Variants in EML2 observed in about 807,000 individuals in gnomAD.
The protein encoded by EML2 is echinoderm microtubule-associated protein-like 2.
Under a neutral mutation model 84.7 loss-of-function variants are expected in EML2, and 59 were observed. The ratio of observed to expected loss-of-function variants is 0.70; its 90% CI spans 0.56 to 0.86. The LOEUF is 0.86. EML2 is among the 40% of genes least tolerant of loss of function. EML2 has a pLI of 0.00. For missense variants in EML2, 818 were observed against 855.6 expected, an observed-to-expected ratio of 0.96 and a Z score of 0.55; for synonymous variants, 352 against 348.9, an observed-to-expected ratio of 1.01 and a Z score of -0.10.
upstream of EML2, chr19:45,641,888 G>A (rs574839860): frequency 6.2e-6 from 9 of 1,455,068 alleles, no homozygotes; most frequent in Non-Finnish European, 8.1e-6. Context: ...GGTCTTGGAA[G>A]AGGCTGGGGG....
At chr19:45,620,867 C>G (rs1971603924) in intron 11 of EML2, 1 of 410,190 alleles carries the variant, frequency 2.4e-6, no homozygotes. Flanking sequence ...GCAGGACCTT[C>G]CCCAATCCGT....
intron 17 of EML2, among the ~76,000 whole-genome samples, chr19:45,614,036 C>T (rs1221379430): frequency 6.6e-6 from 1 of 152,216 alleles, no homozygotes; most frequent in Non-Finnish European, 1.5e-5. Context: ...TTTGTATGTA[C>T]TATTCCCTTT....
chr19:45,634,679 A>C (rs983810823), intron 3 of EML2, among the ~76,000 whole-genome samples: 1 of 151,768 alleles, frequency 6.6e-6, no homozygotes, highest in African/African-American at 2.4e-5. Flanking sequence ...CTCCTGCCTC[A>C]GCCTCCTGAG....
At chr19:45,645,363 C>CTA (rs1315915006), upstream of EML2, 6 of 1,520,246 alleles carry the variant, frequency 3.9e-6, no homozygotes, top group Non-Finnish European at 2.6e-6. Flanking sequence ...CCACCGCCGG[C>CTA]CCCCCCGGTC....
chr19:45,617,463 C>G (rs1182551294), intron 13 of EML2, among the ~76,000 whole-genome samples, 167 bp downstream of exon 13: 1 of 152,142 alleles, frequency 6.6e-6, no homozygotes, highest in Non-Finnish European at 1.5e-5. Flanking sequence ...GAGGCTGAGG[C>G]AGGCAAATCG....
rs763755845 is a variant in EML2 at position 45,621,114 on chromosome 19, G to A, written c.1122+93C>T. Reference sequence around the variant, plus strand: ...AGAAGGGACAGAGCAGGGAGGTGAGGAGAACTGGGAGTGGGGAGGGGGAGT... The same window carrying A: ...AGAAGGGACAGAGCAGGGAGGTGAGAAGAACTGGGAGTGGGGAGGGGGAGT... On this transcript the variant is annotated intron_variant, in intron 11 of 18. Coordinates refer to ENST00000245925, the MANE Select transcript of EML2 (RefSeq NM_012155.4). The A allele has an allele frequency of 7.9e-6, 12 of 1,517,656 alleles. No individual in the cohort carries two copies. In the African/African-American group the frequency reaches 1.1e-4, roughly 14 times the overall value. The allele number at this position is 1,517,656 out of a possible 1,614,324, so 94.0% of individuals were successfully genotyped here. A position where few individuals can be genotyped will look rare whatever the true frequency, so the allele number is the denominator to read the frequency against.
intron 18 of EML2, among the ~76,000 whole-genome samples, chr19:45,612,858 G>A (rs1172506532): frequency 6.6e-6 from 1 of 151,656 alleles, no homozygotes; most frequent in East Asian, 1.9e-4. Context: ...TCTTCTGTTA[G>A]AACCAGAGAA....
At chr19:45,640,691 A>T (rs1367045049), upstream of EML2, 4 of 152,230 alleles carry the variant, frequency 2.6e-5, no homozygotes, top group Non-Finnish European at 5.9e-5. Context: ...TGCTGGGATT[A>T]CAGGCGTGAG....
chr19:45,613,188 T>A (rs2058560351), intron 18 of EML2, among the ~76,000 whole-genome samples: 1 of 152,194 alleles, frequency 6.6e-6, no homozygotes, highest in Non-Finnish European at 1.5e-5. Flanking sequence ...TGTGAGCCAC[T>A]GCAACTGGCC....
intron 4 of EML2, among the ~76,000 whole-genome samples, chr19:45,633,467 T>TC (rs1298109074): frequency 6.6e-6 from 1 of 151,444 alleles, no homozygotes; most frequent in Non-Finnish European, 1.5e-5. Flanking sequence ...GTTTTTTTTT[T>TC]TTTTAAGAGG....
chr19:45,623,033 C>T (rs756428762), intron 9 of EML2, among the ~76,000 whole-genome samples: 82 of 139,590 alleles, frequency 5.9e-4, no homozygotes, highest in African/African-American at 2.2e-3. Flanking sequence ...GGCGACAGAG[C>T]GAGACTCCGT....
chr19:45,617,527 G>C (rs1057136370), intron 13 of EML2, 103 bp downstream of exon 13: 33 of 1,065,580 alleles, frequency 3.1e-5, no homozygotes, highest in Non-Finnish European at 4.2e-5. Context: ...TGAGGGATCA[G>C]GGCTCGGTAA....
At chr19:45,610,216 T>G (rs755800544) in intron 18 of EML2, among the ~76,000 whole-genome samples, 1 of 149,318 alleles carries the variant, frequency 6.7e-6, no homozygotes, top group Non-Finnish European at 1.5e-5. Flanking sequence ...GCCAATATGG[T>G]GAAACCCCGT....
chr19:45,616,802 G>A lies in EML2; in HGVS notation c.1374C>T (p.Asp458=), dbSNP rs1278288972. 3.7e-6 allele frequency: 6 copies of A among 1,613,430 alleles called. No homozygotes were observed. Among genetic ancestry groups the A allele is most frequent in the East Asian group, 2.2e-5 (1 of 44,866 alleles). ...TGACCACTGAGATCTGTTCATTGCC[G>A]TCTGTGTGGATAGCCACCAGGTCAT... is the stretch of plus-strand genomic sequence containing the variant. ...ETHDLVAIHT[D]GNEQISVVSF... is the part of the protein sequence containing the mutation. Residue 458 remains aspartate, a synonymous_variant, in exon 14 of 19, where the codon GAC becomes GAT. Coordinates refer to ENST00000245925, the MANE Select transcript of EML2 (RefSeq NM_012155.4).
upstream of EML2, chr19:45,645,522 G>A: frequency 5.4e-6 from 7 of 1,306,234 alleles, no homozygotes; most frequent in Non-Finnish European, 7.0e-6. Context: ...GCCCAGAAAG[G>A]GGGGTCGGGA....
chr19:45,621,220 G>C lies in EML2; in HGVS notation c.1109C>G (p.Ser370Ter), dbSNP rs1158280982. 1 of 1,613,876 alleles carries C rather than the reference G, an allele frequency of 6.2e-7. No individual in the cohort carries two copies. The highest frequency in any genetic ancestry group is 1.1e-5 in the South Asian group (1 of 91,070). Residue 370 changes from serine (S) to a stop codon, truncating the protein, a stop_gained, in exon 11 of 19, where the codon TCA (serine) becomes TGA (stop). Transcript: ENST00000245925. LOFTEE classifies it high-confidence loss of function. Reference sequence around the variant, plus strand: ...AGAGAGGCGCACCTGGACCAGCAGTGAGAAGCCTGTGTGCACGGAGCCCTG... The same window carrying C: ...AGAGAGGCGCACCTGGACCAGCAGTCAGAAGCCTGTGTGCACGGAGCCCTG... ...ILQGSVHTGF[S>*]LLVQGHVEEL...
upstream of EML2, among the ~76,000 whole-genome samples, chr19:45,643,172 T>C (rs1256520584): frequency 6.6e-6 from 1 of 152,138 alleles, no homozygotes; most frequent in African/African-American, 2.4e-5. Context: ...CCAACGTCTC[T>C]TCACTGTTTC....
intron 7 of EML2, among the ~76,000 whole-genome samples, chr19:45,629,599 C>T (rs1972780564): frequency 6.6e-6 from 1 of 151,242 alleles, no homozygotes; most frequent in Non-Finnish European, 1.5e-5. Context: ...GCTGGGATTA[C>T]AGGCGTGAGC....
chr19:45,636,592 C>T (rs1973751801), intron 3 of EML2, among the ~76,000 whole-genome samples: 2 of 152,194 alleles, frequency 1.3e-5, no homozygotes, highest in African/African-American at 4.8e-5. Flanking sequence ...CCCAGGAGGG[C>T]AGGCAGATGC....
Sources: allele counts gnomAD v4.1 joint callset (sites outside exome capture counted in the v4.1 genomes callset), GRCh38; gene constraint gnomAD v4.1.1; transcripts MANE v1.5; gene names NCBI Gene and HGNC (gene_info 2026-07-23, HGNC 2026-07-21).